The following PRKN variants were observed in gnomAD, a reference collection of about 807,000 sequenced individuals.
PRKN encodes parkin RBR E3 ubiquitin protein ligase.
PRKN carries 56 observed loss-of-function variants against 59.5 expected under a neutral mutation model. The ratio of observed to expected loss-of-function variants is 0.94; its 90% CI spans 0.76 to 1.18. The LOEUF is 1.18. Ranked by LOEUF, PRKN falls within the 50% of genes most tolerant of loss-of-function variation. The pLI is 0.00. For missense variants in PRKN, 657 were observed against 596.4 expected (o/e 1.10, Z -1.06); for synonymous variants, 250 against 222.1 (o/e 1.13, Z -1.12).
chr6:161,795,649 G>C (rs1790816197), intron 6 of PRKN, among the ~76,000 whole-genome samples: 1 of 152,148 alleles, frequency 6.6e-6, no homozygotes, highest in Admixed American at 6.5e-5. Context: ...ACCTGAGAGG[G>C]GGATGCAGCT....
At chr6:162,598,599 A>G (rs1280491488) in intron 1 of PRKN, among the ~76,000 whole-genome samples, 1 of 152,124 alleles carries the variant, frequency 6.6e-6, no homozygotes, top group East Asian at 1.9e-4. Flanking sequence ...AAGCCTGTAA[A>G]CCCAGAACTT....
chr6:161,737,329 C>T (rs996276297), intron 7 of PRKN, among the ~76,000 whole-genome samples: 1 of 152,128 alleles, frequency 6.6e-6, no homozygotes, highest in African/African-American at 2.4e-5. Flanking sequence ...ATGAGGACAG[C>T]GGGCGCCCTT....
At chr6:162,310,581 G>A (rs762932769) in intron 2 of PRKN, among the ~76,000 whole-genome samples, 10 of 151,198 alleles carry the variant, frequency 6.6e-5, no homozygotes, top group Admixed American at 2.0e-4. Flanking sequence ...AAGTTCCCAC[G>A]TTCATGGTAA....
chr6:162,164,669 T>C (rs2023054), intron 4 of PRKN, among the ~76,000 whole-genome samples: 9,260 of 148,774 alleles, frequency 0.062, 1,760 homozygotes, highest in African/African-American at 0.22. Flanking sequence ...ATATTTATTA[T>C]AATGAAGTAT....
At chr6:162,064,211 A>T (rs1001823834) in intron 4 of PRKN, among the ~76,000 whole-genome samples, 3 of 152,196 alleles carry the variant, frequency 2.0e-5, no homozygotes, top group Non-Finnish European at 4.4e-5. Flanking sequence ...AGCAAAAAGA[A>T]AGATTAATCT....
At chr6:162,353,595 T>A (rs2082557552) in intron 2 of PRKN, among the ~76,000 whole-genome samples, 1 of 152,106 alleles carries the variant, frequency 6.6e-6, no homozygotes, top group African/African-American at 2.4e-5. Context: ...ACATGAATAA[T>A]ACACAATCTG....
chr6:161,671,342 C>A (rs1784902123), intron 7 of PRKN, among the ~76,000 whole-genome samples: 1 of 152,186 alleles, frequency 6.6e-6, no homozygotes, highest in African/African-American at 2.4e-5. Flanking sequence ...GAGGCTACAG[C>A]ACCTCACACT....
intron 5 of PRKN, among the ~76,000 whole-genome samples, chr6:161,992,118 G>T (rs1299558299): frequency 1.3e-5 from 2 of 152,026 alleles, no homozygotes; most frequent in Non-Finnish European, 2.9e-5. Context: ...GAGGGCAGAA[G>T]TCTTGAGGTC....
intron 4 of PRKN, among the ~76,000 whole-genome samples, chr6:162,100,342 T>C (rs935232554): frequency 6.6e-6 from 1 of 152,170 alleles, no homozygotes. Context: ...ACTTTTGAGC[T>C]GTTTTCCATA....
At chr6:162,681,625 A>G (rs67487119) in intron 1 of PRKN, among the ~76,000 whole-genome samples, 1 of 152,136 alleles carries the variant, frequency 6.6e-6, no homozygotes, top group African/African-American at 2.4e-5. Context: ...CCAAGCCTTC[A>G]TTTGCATAGA....
chr6:161,972,103 C>T (rs547465277), intron 6 of PRKN, among the ~76,000 whole-genome samples: 12 of 151,952 alleles, frequency 7.9e-5, no homozygotes, highest in Admixed American at 3.9e-4. Flanking sequence ...AAGAAACCCC[C>T]GTCTCTACTA....
intron 5 of PRKN, among the ~76,000 whole-genome samples, chr6:162,011,241 TAA>T (rs1219222492): frequency 2.9e-5 from 3 of 104,474 alleles, no homozygotes; most frequent in African/African-American, 7.9e-5. Context: ...ATATAATTTA[TAA>T]TATATATAAT....
chr6:162,379,437 G>C (rs1208432770), intron 2 of PRKN, among the ~76,000 whole-genome samples: 1 of 152,114 alleles, frequency 6.6e-6, no homozygotes, highest in African/African-American at 2.4e-5. Flanking sequence ...AGGGGTAAGA[G>C]AAAGATATTT....
intron 5 of PRKN, among the ~76,000 whole-genome samples, chr6:162,002,217 G>C (rs1782086738): frequency 1.3e-5 from 2 of 152,040 alleles, no homozygotes; most frequent in Admixed American, 1.3e-4. Flanking sequence ...TTCTGAAAGA[G>C]ATTGTATAGA....
At chr6:162,589,881 T>A (rs1781231114) in intron 1 of PRKN, among the ~76,000 whole-genome samples, 1 of 152,224 alleles carries the variant, frequency 6.6e-6, no homozygotes, top group African/African-American at 2.4e-5. Context: ...TACTTGACAT[T>A]TGTATCTCCA....
chr6:161,666,842 G>T (rs536022258), intron 7 of PRKN, among the ~76,000 whole-genome samples: 1 of 152,122 alleles, frequency 6.6e-6, no homozygotes, highest in Non-Finnish European at 1.5e-5. Flanking sequence ...AATGGCCAGG[G>T]AGTTTTGCTG....
chr6:162,025,838 C>A (rs1488045314), intron 5 of PRKN, among the ~76,000 whole-genome samples: 7 of 151,916 alleles, frequency 4.6e-5, no homozygotes, highest in Admixed American at 1.3e-4. Context: ...ATCCACCCGC[C>A]TCAGCCTCCC....
In PRKN at chr6:162,379,616, C is replaced by G. The variant is rs190353347; in HGVS notation, c.171+63694G>C. 1.5e-3 allele frequency among the ~76,000 whole-genome samples: 223 copies of G among 152,244 alleles called. 1 individual carries two copies. The highest frequency in any genetic ancestry group is 5.3e-3 in the African/African-American group (220 of 41,550). On this transcript the variant is annotated intron_variant, in intron 2 of 11. Coordinates refer to ENST00000366898, the MANE Select transcript of PRKN (RefSeq NM_004562.3). Reference sequence around the variant, plus strand: ...ACACCTCCCAAACTGAGCCTCAATGCCTTTCCCGCATGGACCCGCCTCTGG... The same window carrying G: ...ACACCTCCCAAACTGAGCCTCAATGGCTTTCCCGCATGGACCCGCCTCTGG...
chr6:162,178,839 GCAT>G (rs768071335), intron 4 of PRKN, among the ~76,000 whole-genome samples: 2 of 151,876 alleles, frequency 1.3e-5, no homozygotes, highest in Middle Eastern at 3.2e-3. Flanking sequence ...TTACTGAATT[GCAT>G]CATCTCTTCC....
Sources: gnomAD v4.1 joint callset for allele counts (sites outside exome capture counted in the v4.1 genomes callset) on GRCh38, gnomAD v4.1.1 for gene constraint, MANE v1.5 for transcripts, NCBI Gene and HGNC (gene_info 2026-07-23, HGNC 2026-07-21) for gene names.